The following PCSK2 variants were observed in gnomAD, a reference collection of about 807,000 sequenced individuals.
PCSK2 encodes neuroendocrine convertase 2.
A neutral mutation model predicts 69.7 loss-of-function variants in PCSK2; 14 were observed. That is an observed-to-expected ratio of 0.20 (90% confidence interval 0.13 to 0.31). The LOEUF (loss-of-function observed/expected upper bound fraction) is 0.31. PCSK2 is among the 10% of genes least tolerant of loss of function. The pLI, the probability that PCSK2 is intolerant of heterozygous loss-of-function variation, is 1.00. For missense variants in PCSK2, 544 were observed against 842.5 expected, an observed-to-expected ratio of 0.65 and a Z score of 4.39; for synonymous variants, 307 against 320.7, an observed-to-expected ratio of 0.96 and a Z score of 0.46.
chr20:17,272,363 C>G (rs1230514111), intron 2 of PCSK2, among the ~76,000 whole-genome samples: 1 of 152,118 alleles, frequency 6.6e-6, no homozygotes, highest in Non-Finnish European at 1.5e-5. Context: ...AGTCATAGAT[C>G]TCACATTGAT....
chr20:17,320,973 C>T (rs116564875), intron 2 of PCSK2, among the ~76,000 whole-genome samples: 1,849 of 152,242 alleles, frequency 0.012, 33 homozygotes, highest in African/African-American at 0.041. Flanking sequence ...ATTAGTAAAA[C>T]AAGCAAAATG....
Position 17,227,320 on chromosome 20 carries a change from T to A in PCSK2, c.15T>A (p.Cys5Ter). Residue 5 changes from cysteine (C) to a stop codon, truncating the protein, a stop_gained, in exon 1 of 12, where the codon TGT becomes TGA. Coordinates refer to ENST00000262545, the MANE Select transcript of PCSK2 (RefSeq NM_002594.5). LOFTEE classifies it high-confidence loss of function. Reference sequence around the variant, plus strand: ...CCCAAAGAAGGATGAAGGGTGGTTGTGTCTCCCAGTGGAAGGCGGCCGCCG... The same window carrying A: ...CCCAAAGAAGGATGAAGGGTGGTTGAGTCTCCCAGTGGAAGGCGGCCGCCG... MKGG[C>*]VSQWKAAAGF... is the part of the protein sequence containing the mutation. 6.2e-7 allele frequency: 1 copy of A among 1,613,840 alleles called. No homozygotes were observed. Among genetic ancestry groups the A allele is most frequent in the Non-Finnish European group, 8.5e-7 (1 of 1,179,958 alleles).
chr20:17,373,655 A>T (rs2030841215), intron 5 of PCSK2, among the ~76,000 whole-genome samples: 1 of 152,228 alleles, frequency 6.6e-6, no homozygotes, highest in Non-Finnish European at 1.5e-5. Flanking sequence ...TCCTCAAAAA[A>T]ATTACTTTAT....
intron 2 of PCSK2, among the ~76,000 whole-genome samples, chr20:17,353,429 C>T (rs951988633): frequency 6.3e-4 from 89 of 142,036 alleles, no homozygotes; most frequent in African/African-American, 2.3e-3. Flanking sequence ...CATGCCACTG[C>T]ATTCCAGCCT....
chr20:17,356,232 T>A (rs776850398), intron 2 of PCSK2, among the ~76,000 whole-genome samples: 6 of 152,224 alleles, frequency 3.9e-5, no homozygotes, highest in Non-Finnish European at 8.8e-5. Flanking sequence ...TTTGCCGTTA[T>A]AAAAATACCC....
intron 2 of PCSK2, among the ~76,000 whole-genome samples, chr20:17,268,684 TG>T (rs1311417296): frequency 6.6e-6 from 1 of 152,148 alleles, no homozygotes; most frequent in Non-Finnish European, 1.5e-5. Flanking sequence ...CATGATAAGC[TG>T]GGGAAAGAAC....
intron 2 of PCSK2, among the ~76,000 whole-genome samples, chr20:17,297,778 G>A (rs1988946039): frequency 6.6e-6 from 1 of 152,056 alleles, no homozygotes; most frequent in African/African-American, 2.4e-5. Flanking sequence ...CACCTTTACT[G>A]TCTTATTATT....
intron 4 of PCSK2, among the ~76,000 whole-genome samples, chr20:17,368,090 C>A (rs2030652101): frequency 6.6e-6 from 1 of 152,128 alleles, no homozygotes; most frequent in African/African-American, 2.4e-5. Flanking sequence ...AGAAAAATTT[C>A]TTTTCAGAAA....
chr20:17,413,701 T>C (rs200995956), intron 6 of PCSK2, among the ~76,000 whole-genome samples: 8 of 152,082 alleles, frequency 5.3e-5, no homozygotes, highest in Non-Finnish European at 2.9e-5. Flanking sequence ...ATCTACAGAA[T>C]TCTCCACCCC....
At chr20:17,312,496 G>C (rs1568598083) in intron 2 of PCSK2, among the ~76,000 whole-genome samples, 1 of 152,028 alleles carries the variant, frequency 6.6e-6, no homozygotes, top group African/African-American at 2.4e-5. Context: ...GAACAAGAAA[G>C]CCAAGCACGA....
chr20:17,373,521 G>A (rs558761906), intron 5 of PCSK2, among the ~76,000 whole-genome samples: 5 of 152,320 alleles, frequency 3.3e-5, no homozygotes, highest in East Asian at 1.9e-4. Context: ...ATGTAGCAAC[G>A]TCTGCCCCAG....
At chr20:17,340,194 A>G (rs759262658) in intron 2 of PCSK2, among the ~76,000 whole-genome samples, 2 of 152,246 alleles carry the variant, frequency 1.3e-5, no homozygotes, top group Non-Finnish European at 2.9e-5. Flanking sequence ...AGGAAGAGTC[A>G]TGCAGGTCCC....
In PCSK2 at chr20:17,397,464, C is replaced by A. The variant is rs536945084; in HGVS notation, c.544-11799C>A. On this transcript the variant is annotated intron_variant, in intron 5 of 11. Transcript: ENST00000262545. The stretch of plus-strand genomic sequence containing the variant: ...AATCCCTCCAGCAGCCCTCAACTAC[C>A]AGAAGCACAAAAATTCAATATATTT... Among the ~76,000 whole-genome samples, 249 of 147,102 alleles carry A rather than the reference C, an allele frequency of 1.7e-3. 1 individual carries two copies. The highest frequency in any genetic ancestry group is 6.9e-3 in the Middle Eastern group (2 of 288).
At chr20:17,288,979 C>T (rs1988608443) in intron 2 of PCSK2, among the ~76,000 whole-genome samples, 1 of 152,162 alleles carries the variant, frequency 6.6e-6, no homozygotes, top group South Asian at 2.1e-4. Flanking sequence ...CGTTCTTGTG[C>T]AGTACTATTA....
At chr20:17,387,033 A>C (rs1188312328) in intron 5 of PCSK2, among the ~76,000 whole-genome samples, 1 of 152,208 alleles carries the variant, frequency 6.6e-6, no homozygotes, top group Non-Finnish European at 1.5e-5. Context: ...TTTAAGGGAG[A>C]TAAAACAGAA....
At chr20:17,378,804 G>C (rs1398677191) in intron 5 of PCSK2, among the ~76,000 whole-genome samples, 1 of 152,194 alleles carries the variant, frequency 6.6e-6, no homozygotes, top group African/African-American at 2.4e-5. Context: ...AAAAAGTGTA[G>C]CAATGTTTAC....
At position 17,227,222 on chromosome 20, in the gene PCSK2, ATTC is replaced by A; in HGVS notation, c.-81_-79del. ...ATTTTTTTAAAAACTATATATAAGA[ATTC>A]TTTATTTGCACCCTCCCTCCGAGTC... On this transcript the variant is annotated 5_prime_UTR_variant, in exon 1 of 12. Coordinates refer to ENST00000262545, the MANE Select transcript of PCSK2 (RefSeq NM_002594.5). The A allele has an allele frequency of 1.1e-6, 1 of 917,486 alleles. No individual in the cohort carries two copies. Among genetic ancestry groups the A allele is most frequent in the Admixed American group, 2.1e-5 (1 of 48,418 alleles). The allele number at this position is 917,486 out of a possible 1,614,324, so 56.8% of individuals were successfully genotyped here.
intron 2 of PCSK2, among the ~76,000 whole-genome samples, chr20:17,311,600 G>A (rs751575043): frequency 3.3e-5 from 5 of 152,244 alleles, no homozygotes; most frequent in Admixed American, 1.3e-4. Context: ...GGCCAATTAC[G>A]TGCACGTTGA....
chr20:17,444,686 GAGGTGTGGC>G (rs2032665125), intron 8 of PCSK2, among the ~76,000 whole-genome samples: 1 of 152,228 alleles, frequency 6.6e-6, no homozygotes, highest in South Asian at 2.1e-4. Context: ...TGATGAATGG[GAGGTGTGGC>G]AGGAAAGAGA....
Sources: allele counts gnomAD v4.1 joint callset (sites outside exome capture counted in the v4.1 genomes callset), GRCh38; gene constraint gnomAD v4.1.1; transcripts MANE v1.5; gene names NCBI Gene and HGNC (gene_info 2026-07-23, HGNC 2026-07-21).